SLC35F2: variants seen among roughly 807,000 people sequenced by gnomAD.
SLC35F2 encodes solute carrier family 35 member F2.
Under a neutral mutation model 38.1 loss-of-function variants are expected in SLC35F2, and 25 were observed. The observed-to-expected ratio is 0.66, with a 90% CI of 0.48 to 0.92. SLC35F2 has a LOEUF of 0.92. Ranked by LOEUF, SLC35F2 falls within the 40% of genes least tolerant of loss-of-function variation. The pLI is 0.00. For missense variants in SLC35F2, 409 were observed against 452.9 expected, an observed-to-expected ratio of 0.90 and a Z score of 0.88; for synonymous variants, 173 against 181.7, an observed-to-expected ratio of 0.95 and a Z score of 0.38.
intron 1 of SLC35F2, among the ~76,000 whole-genome samples, chr11:107,852,690 G>A (rs1490979688): frequency 1.3e-5 from 2 of 151,880 alleles, no homozygotes; most frequent in Non-Finnish European, 2.9e-5. Flanking sequence ...TAGCCAACAT[G>A]GCAAAACCCT....
intron 1 of SLC35F2, among the ~76,000 whole-genome samples, chr11:107,835,583 C>G (rs1227690862): frequency 6.6e-6 from 1 of 152,106 alleles, no homozygotes; most frequent in African/African-American, 2.4e-5. Context: ...GTGTACACCA[C>G]CATGCCCAGC....
chr11:107,805,660 GTGTGTGTGTGTATGTGTGTGTGTGTA>G (rs1859379478), intron 4 of SLC35F2, 145 bp from the exon 5 acceptor site: 1 of 1,439,226 alleles, frequency 6.9e-7, no homozygotes, highest in Non-Finnish European at 9.1e-7. Context: ...GTGTGAGAGT[GTGTGTGTGTGTATGTGTGTGTGTGTA>G]TGTGTGTGTT....
At chr11:107,804,971 T>C (rs2134773824) in intron 5 of SLC35F2, 1 of 889,230 alleles carries the variant, frequency 1.1e-6, no homozygotes. Context: ...TTGACTCCCT[T>C]ACAGGTGCTC....
At chr11:107,846,896 C>A (rs1384968962) in intron 1 of SLC35F2, among the ~76,000 whole-genome samples, 2 of 149,706 alleles carry the variant, frequency 1.3e-5, no homozygotes, top group Non-Finnish European at 3.0e-5. Context: ...TGCCACTGCA[C>A]TCCAGCCTGA....
intron 2 of SLC35F2, among the ~76,000 whole-genome samples, chr11:107,815,054 G>C (rs1859545170): frequency 6.6e-6 from 1 of 151,948 alleles, no homozygotes; most frequent in South Asian, 2.1e-4. Flanking sequence ...CTCCAGCCTG[G>C]GTGACAGAGT....
At position 107,842,257 on chromosome 11, in the gene SLC35F2, C is replaced by CAAAAAAAAAAAAAAAAAAA. The variant is rs541185009; in HGVS notation, c.110+16382_110+16400dup. Among the ~76,000 whole-genome samples, 18 of 37,902 alleles carry CAAAAAAAAAAAAAAAAAAA rather than the reference C, an allele frequency of 4.7e-4. 2 individuals carry two copies. The highest frequency in any genetic ancestry group is 2.0e-3 in the East Asian group (2 of 996). 24.9% of individuals were successfully genotyped at this position (37,902 alleles called of 152,430 possible). A position where few individuals can be genotyped will look rare whatever the true frequency, so the allele number is the denominator to read the frequency against. Reference sequence around the variant, plus strand: ...GGCGACAGAGTGAGACTCCGTCTCACAAAAAAAAAAAAAAAAAAAAAAAAA... The same window carrying CAAAAAAAAAAAAAAAAAAA: ...GGCGACAGAGTGAGACTCCGTCTCACAAAAAAAAAAAAAAAAAAAAAAAAAAAAAAAAAAAAAAAAAAAA... On this transcript the variant is annotated intron_variant, in intron 1 of 7. Transcript: ENST00000525815.
chr11:107,844,547 G>A (rs921540628), intron 1 of SLC35F2, among the ~76,000 whole-genome samples: 2 of 151,410 alleles, frequency 1.3e-5, no homozygotes, highest in East Asian at 1.9e-4. Flanking sequence ...GCTTGAACCC[G>A]GGAGGCGGAA....
intron 1 of SLC35F2, among the ~76,000 whole-genome samples, chr11:107,824,448 T>A (rs1175493416): frequency 6.6e-6 from 1 of 152,154 alleles, no homozygotes; most frequent in East Asian, 1.9e-4. Context: ...GGATTTAAAT[T>A]TGAAACATGA....
chr11:107,831,529 A>G (rs1859841594), intron 1 of SLC35F2, among the ~76,000 whole-genome samples: 1 of 152,178 alleles, frequency 6.6e-6, no homozygotes, highest in African/African-American at 2.4e-5. Flanking sequence ...CCAACCAACA[A>G]GACAATCTTA....
At chr11:107,806,911 T>A (rs1221334270) in intron 3 of SLC35F2, 35 bp from the exon 4 acceptor site, 2 of 1,595,236 alleles carry the variant, frequency 1.3e-6, no homozygotes, top group Non-Finnish European at 1.7e-6. Context: ...TTAAAACATA[T>A]CTCTCATTAG....
chr11:107,848,277 A>G (rs7949443), intron 1 of SLC35F2, among the ~76,000 whole-genome samples: 58,736 of 144,930 alleles, frequency 0.41, 11,586 homozygotes, highest in Admixed American at 0.52. Flanking sequence ...GAAGAAGAAA[A>G]AGGAGAGAAG....
At chr11:107,848,099 A>G (rs1033693626) in intron 1 of SLC35F2, among the ~76,000 whole-genome samples, 5 of 152,202 alleles carry the variant, frequency 3.3e-5, no homozygotes, top group Non-Finnish European at 7.3e-5. Flanking sequence ...TTGGGATAAT[A>G]AACAAGTTCT....
chr11:107,851,452 A>G (rs1860184006), intron 1 of SLC35F2, among the ~76,000 whole-genome samples: 1 of 145,374 alleles, frequency 6.9e-6, no homozygotes, highest in South Asian at 2.3e-4. Context: ...GACAAGAGAG[A>G]AACTCCGTCT....
chr11:107,805,548 C>A, intron 4 of SLC35F2, 33 bp from the exon 5 acceptor site: 1 of 1,603,084 alleles, frequency 6.2e-7, no homozygotes, highest in Non-Finnish European at 8.5e-7. Context: ...AAGCAAAACA[C>A]TGTCAACAGA....
rs185488132 is a variant in SLC35F2 at position 107,793,164 on chromosome 11, G to A, written c.940-364C>T. On this transcript the variant is annotated intron_variant, in intron 7 of 7. Coordinates refer to ENST00000525815, the MANE Select transcript of SLC35F2 (RefSeq NM_017515.5). ...ACACCTGAGCTCAAGCAATCCGCCC[G>A]CCTCAGGCTCCCAAAGTGCGGGGGA... is the stretch of plus-strand genomic sequence containing the variant. Among the ~76,000 whole-genome samples the A allele has an allele frequency of 1.4e-4, 21 of 152,302 alleles. 1 individual carries two copies. The highest frequency in any genetic ancestry group is 2.9e-4 in the Non-Finnish European group (20 of 68,028).
chr11:107,844,454 C>G lies in SLC35F2; in HGVS notation c.110+14204G>C, dbSNP rs200277166. On this transcript the variant is annotated intron_variant, in intron 1 of 7. Transcript: ENST00000525815. The stretch of plus-strand genomic sequence containing the variant: ...ATCAGCCTGGCCAACATGGTGAAAT[C>G]TCTCTACTAAAAATACAAAAATTAG... Among the ~76,000 whole-genome samples the G allele has an allele frequency of 5.3e-5, 8 of 151,392 alleles. No homozygotes were observed. The East Asian group carries it at 1.6e-3, about 30-fold the overall frequency.
chr11:107,827,354 C>A (rs1404531846), intron 1 of SLC35F2, among the ~76,000 whole-genome samples: 1 of 152,190 alleles, frequency 6.6e-6, no homozygotes, highest in East Asian at 1.9e-4. Flanking sequence ...GTGGCTCACA[C>A]CTGTAATACC....
intron 1 of SLC35F2, among the ~76,000 whole-genome samples, chr11:107,838,218 T>G (rs941767717): frequency 6.6e-6 from 1 of 152,168 alleles, no homozygotes; most frequent in Non-Finnish European, 1.5e-5. Flanking sequence ...ACTACTTGCA[T>G]TTATTAGGGA....
intron 7 of SLC35F2, among the ~76,000 whole-genome samples, chr11:107,800,777 G>A (rs533569742): frequency 2.0e-5 from 3 of 152,170 alleles, no homozygotes; most frequent in South Asian, 4.2e-4. Context: ...GTAGGGATGG[G>A]GTTTTACCAT....
Sources: gnomAD v4.1 joint callset for allele counts (sites outside exome capture counted in the v4.1 genomes callset) on GRCh38, gnomAD v4.1.1 for gene constraint, MANE v1.5 for transcripts, NCBI Gene and HGNC (gene_info 2026-07-23, HGNC 2026-07-21) for gene names.